Variants in BNC2 observed in about 807,000 individuals in gnomAD.
The protein encoded by BNC2 is zinc finger protein basonuclin-2.
In BNC2, 20 loss-of-function variants were observed where a neutral mutation model predicts 76.3. The observed-to-expected ratio is 0.26, with a 90% CI of 0.18 to 0.38. The LOEUF is 0.38. Among genes scored for constraint, BNC2 ranks in the 10% least tolerant of loss-of-function variants. BNC2 has a pLI of 1.00. For synonymous variants in BNC2, 582 were observed against 514.8 expected (o/e 1.13, Z -1.77); for missense variants, 1,382 against 1,399.8 (o/e 0.99, Z 0.20).
In BNC2 at chr9:16,418,180, G is replaced by A. The variant is rs1035705655; in HGVS notation, c.*809C>T. 1 of 152,580 alleles carries A rather than the reference G, an allele frequency of 6.6e-6. No individual in the cohort carries two copies. Among genetic ancestry groups the A allele is most frequent in the Non-Finnish European group, 1.5e-5 (1 of 68,040 alleles). 9.5% of individuals were successfully genotyped at this position (152,580 alleles called of 1,614,324 possible). On this transcript the variant is annotated 3_prime_UTR_variant, in exon 7 of 7. Coordinates refer to ENST00000380672, the MANE Select transcript of BNC2 (RefSeq NM_017637.6). ...TAGTGTATGAAAAAAAGTGCATGACGGGATTTATGTACTAGTACAGGACAT... is the reference window on the plus strand; with the variant it reads ...TAGTGTATGAAAAAAAGTGCATGACAGGATTTATGTACTAGTACAGGACAT...
Position 16,870,590 on chromosome 9 carries a change from G to A in BNC2, c.3+56C>T, listed in dbSNP as rs531498766. On this transcript the variant is annotated intron_variant, in intron 1 of 6. Coordinates refer to ENST00000380672, the MANE Select transcript of BNC2 (RefSeq NM_017637.6). ...CGGCCCCGGTGGCGCTCGGGCGCGG[G>A]GGTCATTTCTGAGGAAGTCTAGAAT... 44 of 1,599,150 alleles carry A rather than the reference G, an allele frequency of 2.8e-5. No homozygotes were observed. In the African/African-American group the frequency reaches 4.0e-4, roughly 14 times the overall value.
chr9:16,615,522 G>C (rs1820673414), intron 3 of BNC2, among the ~76,000 whole-genome samples: 2 of 152,076 alleles, frequency 1.3e-5, no homozygotes, highest in Non-Finnish European at 2.9e-5. Context: ...ACATCAAAAG[G>C]AATCTAAATA....
intron 5 of BNC2, among the ~76,000 whole-genome samples, chr9:16,508,668 G>A (rs541735451): frequency 4.4e-4 from 67 of 152,062 alleles, no homozygotes; most frequent in Non-Finnish European, 8.5e-4. Flanking sequence ...TTTATGCCCA[G>A]AGGCCCAAAT....
At position 16,837,825 on chromosome 9, in the gene BNC2, C is replaced by G. The variant is rs563238181; in HGVS notation, c.3+32821G>C. 1.1e-4 allele frequency among the ~76,000 whole-genome samples: 17 copies of G among 152,100 alleles called. No homozygotes were observed. In the South Asian group the frequency reaches 3.3e-3, roughly 30 times the overall value. On this transcript the variant is annotated intron_variant, in intron 1 of 6. Transcript: ENST00000380672. ...GCTTTTCTATTACTATCAACTCTGC[C>G]TCAACATTTAAAAAGCTCAGGGTTT... is the stretch of plus-strand genomic sequence containing the variant.
At chr9:16,586,445 CTG>C (rs1164369028) in intron 3 of BNC2, among the ~76,000 whole-genome samples, 1 of 152,182 alleles carries the variant, frequency 6.6e-6, no homozygotes, top group African/African-American at 2.4e-5. Flanking sequence ...GTGCCTGAAA[CTG>C]TCTCTCTGAG....
chr9:16,424,571 T>C (rs1410002525), intron 6 of BNC2, among the ~76,000 whole-genome samples: 2 of 152,152 alleles, frequency 1.3e-5, no homozygotes, highest in African/African-American at 4.8e-5. Flanking sequence ...TAACAACATA[T>C]ACATAGCGTA....
At position 16,425,794 on chromosome 9, in the gene BNC2, T is replaced by C. The variant is rs78840564; in HGVS notation, c.2640-6145A>G. The stretch of plus-strand genomic sequence containing the variant: ...ATCTGGCCCTACAGTTAGAAAACAA[T>C]TTGTCATTGCTGTGGAATGCATAAA... On this transcript the variant is annotated intron_variant, in intron 6 of 6. Transcript: ENST00000380672. Among the ~76,000 whole-genome samples the C allele has an allele frequency of 4.2e-3, 633 of 152,302 alleles. 1 individual carries two copies. The highest frequency in any genetic ancestry group is 0.02 in the Middle Eastern group (6 of 294).
At chr9:16,641,156 C>G (rs948044034) in intron 3 of BNC2, among the ~76,000 whole-genome samples, 20 of 152,286 alleles carry the variant, frequency 1.3e-4, no homozygotes, top group African/African-American at 4.6e-4. Flanking sequence ...AAAGTTCATT[C>G]TCAAAGAAAG....
rs200590786 is a variant in BNC2, at chr9:16,419,205, C to T, written c.3084G>A (p.Leu1028=). 6.2e-7 allele frequency: 1 copy of T among 1,614,228 alleles called. No individual in the cohort carries two copies. Among genetic ancestry groups the T allele is most frequent in the African/African-American group, 1.3e-5 (1 of 75,068 alleles). The part of the protein sequence containing the change: ...EVSGSLMFSS[L]SGSNGGIMCN... ...ACATGATCCCACCATTGCTCCCAGA[C>T]AAGCTGCTGAACATAAGAGATCCTG... is the stretch of plus-strand genomic sequence containing the variant. The change falls in exon 7 of 7, where the codon TTG becomes TTA. Residue 1028 remains leucine (L), a synonymous_variant. Coordinates refer to ENST00000380672, the MANE Select transcript of BNC2 (RefSeq NM_017637.6).
chr9:16,713,503 G>A (rs1206435838), intron 3 of BNC2, among the ~76,000 whole-genome samples: 1 of 140,126 alleles, frequency 7.1e-6, no homozygotes, highest in African/African-American at 2.7e-5. Flanking sequence ...AAAGTGACAT[G>A]CTTAAACTTG....
At chr9:16,859,965 C>CA (rs1463966120) in intron 1 of BNC2, among the ~76,000 whole-genome samples, 2 of 151,892 alleles carry the variant, frequency 1.3e-5, no homozygotes, top group African/African-American at 4.8e-5. Context: ...ACTAAAAATA[C>CA]AAAAAAATTA....
intron 1 of BNC2, among the ~76,000 whole-genome samples, chr9:16,754,132 G>C (rs989647474): frequency 6.6e-6 from 1 of 152,212 alleles, no homozygotes; most frequent in African/African-American, 2.4e-5. Flanking sequence ...AAACTCATTA[G>C]AACTGGTGGT....
chr9:16,616,287 G>A (rs1214201176), intron 3 of BNC2, among the ~76,000 whole-genome samples: 2 of 152,076 alleles, frequency 1.3e-5, no homozygotes, highest in Non-Finnish European at 1.5e-5. Context: ...AGCTCCTTGG[G>A]AGGCTGAGGC....
intron 5 of BNC2, among the ~76,000 whole-genome samples, chr9:16,526,185 A>T (rs754555071): frequency 3.9e-5 from 6 of 152,150 alleles, no homozygotes; most frequent in Admixed American, 2.0e-4. Context: ...TTATATATAA[A>T]GGAACACATA....
At chr9:16,772,574 G>C (rs1825860091) in intron 1 of BNC2, among the ~76,000 whole-genome samples, 1 of 151,352 alleles carries the variant, frequency 6.6e-6, no homozygotes, top group Non-Finnish European at 1.5e-5. Flanking sequence ...AAAACCTAGG[G>C]AAAAAAAACC....
intron 4 of BNC2, among the ~76,000 whole-genome samples, chr9:16,567,206 G>A (rs961791482): frequency 6.6e-6 from 1 of 152,192 alleles, no homozygotes; most frequent in African/African-American, 2.4e-5. Context: ...ACTCATTTAT[G>A]TGGGAACAGA....
intron 1 of BNC2, among the ~76,000 whole-genome samples, chr9:16,845,502 A>T (rs1017107301): frequency 6.6e-6 from 1 of 152,004 alleles, no homozygotes; most frequent in African/African-American, 2.4e-5. Context: ...CGGGCGGATC[A>T]CAAGGTCAGG....
intron 1 of BNC2, among the ~76,000 whole-genome samples, chr9:16,820,307 TC>T (rs1245486730): frequency 6.6e-6 from 1 of 151,300 alleles, no homozygotes; most frequent in Non-Finnish European, 1.5e-5. Flanking sequence ...GTGCCTGTAA[TC>T]CCAGCTACTC....
intron 3 of BNC2, among the ~76,000 whole-genome samples, chr9:16,667,363 C>T (rs1156523177): frequency 1.3e-5 from 2 of 152,150 alleles, no homozygotes; most frequent in Non-Finnish European, 1.5e-5. Context: ...TTGTTAGTTC[C>T]ATGATCTCCT....
Sources: allele counts gnomAD v4.1 joint callset (sites outside exome capture counted in the v4.1 genomes callset), GRCh38; gene constraint gnomAD v4.1.1; transcripts MANE v1.5; gene names NCBI Gene and HGNC (gene_info 2026-07-23, HGNC 2026-07-21).